The following DUSP13B variants were observed in gnomAD, a reference collection of about 807,000 sequenced individuals.
The protein encoded by DUSP13B is dual specificity protein phosphatase 13B.
the DUSP13B span, chr10:75,098,901 C>T: frequency 5.4e-6 from 6 of 1,102,742 alleles, no homozygotes; most frequent in Non-Finnish European, 6.9e-6. Context: ...GGTTTTAGTC[C>T]ATCCCCAAGC....
chr10:75,103,032 G>A, the DUSP13B span, among the ~76,000 whole-genome samples: 3 of 152,168 alleles, frequency 2.0e-5, no homozygotes, highest in African/African-American at 7.2e-5. Flanking sequence ...AGAATCACCT[G>A]AGCCCAGGAA....
the DUSP13B span, chr10:75,102,030 T>C: frequency 8.4e-7 from 1 of 1,188,256 alleles, no homozygotes; most frequent in Non-Finnish European, 1.1e-6. Flanking sequence ...CCCCTGCCAC[T>C]CCCAACTTGT....
the DUSP13B span, chr10:75,099,299 C>T: frequency 8.1e-7 from 1 of 1,232,346 alleles, no homozygotes; most frequent in Non-Finnish European, 1.0e-6. Context: ...GAAACAGGCA[C>T]CCAGGAGGCT....
At chr10:75,096,924 G>A in the DUSP13B span, among the ~76,000 whole-genome samples, 4 of 152,272 alleles carry the variant, frequency 2.6e-5, no homozygotes, top group African/African-American at 9.6e-5. Context: ...AACAATGTGG[G>A]TGACTCACAA....
chr10:75,094,580 A>C, the DUSP13B span: 1 of 1,383,270 alleles, frequency 7.2e-7, no homozygotes, highest in South Asian at 1.3e-5. Context: ...CTTGCTGTTT[A>C]CATCTCAGGG....
the DUSP13B span, chr10:75,099,077 G>A: frequency 2.4e-6 from 3 of 1,232,328 alleles, no homozygotes; most frequent in African/African-American, 3.1e-5. Flanking sequence ...ACCCGGGTCA[G>A]GTAGCTTGTT....
At chr10:75,095,449 C>G in the DUSP13B span, 5 of 824,368 alleles carry the variant, frequency 6.1e-6, no homozygotes, top group African/African-American at 1.7e-5. Flanking sequence ...GCTATTTTCC[C>G]TATGGAGTGG....
chr10:75,097,311 T>A, the DUSP13B span, among the ~76,000 whole-genome samples: 1 of 152,086 alleles, frequency 6.6e-6, no homozygotes, highest in African/African-American at 2.4e-5. Context: ...TGGATTCAAG[T>A]GATTCTCCTG....
the DUSP13B span, chr10:75,095,528 C>T: frequency 1.3e-6 from 2 of 1,563,282 alleles, no homozygotes; most frequent in Non-Finnish European, 1.8e-6. Flanking sequence ...ATGGAGAGTC[C>T]TAAAGCACAC....
At chr10:75,099,999 G>A in the DUSP13B span, among the ~76,000 whole-genome samples, 2 of 152,266 alleles carry the variant, frequency 1.3e-5, no homozygotes, top group African/African-American at 4.8e-5. Flanking sequence ...GAGTCCAACA[G>A]CCACACTGGT....
chr10:75,106,092 CTTTCT>C, the DUSP13B span, among the ~76,000 whole-genome samples: 22 of 137,690 alleles, frequency 1.6e-4, no homozygotes, highest in African/African-American at 2.5e-4. Flanking sequence ...TTTTTCTTTT[CTTTCT>C]TTTCTTTTTT....
chr10:75,099,325 C>G, the DUSP13B span: 1 of 1,232,326 alleles, frequency 8.1e-7, no homozygotes, highest in Non-Finnish European at 1.0e-6. Flanking sequence ...CTTGGCCAGG[C>G]TCACCCAGTG....
the DUSP13B span, chr10:75,104,009 G>T: frequency 2.2e-6 from 3 of 1,358,402 alleles, no homozygotes; most frequent in South Asian, 1.2e-5. Context: ...CTGTGTGTCC[G>T]CCTGGGCCAG....
the DUSP13B span, chr10:75,104,172 G>T: frequency 1.8e-6 from 2 of 1,103,950 alleles, no homozygotes; most frequent in African/African-American, 3.2e-5. Context: ...TTGGGGCAGG[G>T]ATAAGAGCTG....
chr10:75,104,552 C>T, the DUSP13B span, among the ~76,000 whole-genome samples: 5 of 152,150 alleles, frequency 3.3e-5, no homozygotes, highest in East Asian at 3.8e-4. Flanking sequence ...GGGCATGGTC[C>T]GAGATCTGAT....
At chr10:75,108,934 C>A in the DUSP13B span, 1 of 1,524,024 alleles carries the variant, frequency 6.6e-7, no homozygotes. Flanking sequence ...TTCCACCCTC[C>A]TGTGTCTGGT....
At chr10:75,106,101 C>CTTTTTTTTTT in the DUSP13B span, among the ~76,000 whole-genome samples, 2 of 123,018 alleles carry the variant, frequency 1.6e-5, no homozygotes, top group Admixed American at 7.9e-5. Context: ...TCTTTCTTTT[C>CTTTTTTTTTT]TTTTTTTTTT....
At chr10:75,098,999 C>T in the DUSP13B span, 4 of 1,232,222 alleles carry the variant, frequency 3.2e-6, no homozygotes, top group Non-Finnish European at 4.0e-6. Flanking sequence ...GAGCCACACA[C>T]CTGCCTACAG....
chr10:75,099,891 T>C, the DUSP13B span, among the ~76,000 whole-genome samples: 1 of 152,132 alleles, frequency 6.6e-6, no homozygotes, highest in Non-Finnish European at 1.5e-5. Flanking sequence ...TCTGGGGGTC[T>C]GACCCGAGAA....
Sources: gnomAD v4.1 joint callset for allele counts (sites outside exome capture counted in the v4.1 genomes callset) on GRCh38, gnomAD v4.1.1 for gene constraint, MANE v1.5 for transcripts, NCBI Gene and HGNC (gene_info 2026-07-23, HGNC 2026-07-21) for gene names.